Variants in SLC5A10 observed in about 807,000 individuals in gnomAD.
SLC5A10 encodes the protein sodium/mannose cotransporter SLC5A10.
A neutral mutation model predicts 68.9 loss-of-function variants in SLC5A10; 55 were observed. The ratio of observed to expected loss-of-function variants is 0.80; its 90% CI spans 0.64 to 1.00. SLC5A10 has a LOEUF of 1.00. Among genes scored for constraint, SLC5A10 ranks in the 50% least tolerant of loss-of-function variants. SLC5A10 has a pLI of 0.00. For synonymous variants in SLC5A10, 344 were observed against 344.8 expected (o/e 1.00, Z 0.02); for missense variants, 732 against 819.3 (o/e 0.89, Z 1.30).
intron 1 of SLC5A10, chr17:18,954,289 G>A (rs1308540055): frequency 6.6e-6 from 1 of 152,412 alleles, no homozygotes; most frequent in Non-Finnish European, 1.5e-5. Flanking sequence ...AGACAAGGCT[G>A]TCCTGGCTAG....
chr17:18,954,141 A>T (rs1567773675), intron 1 of SLC5A10: 1 of 152,264 alleles, frequency 6.6e-6, no homozygotes, highest in Non-Finnish European at 1.5e-5. Context: ...GCAAACTGTA[A>T]CGTGCTATAT....
At chr17:19,019,360 G>T (rs1350491897) in intron 11 of SLC5A10, 63 bp from the exon 12 acceptor site, 2 of 1,553,552 alleles carry the variant, frequency 1.3e-6, no homozygotes, top group Non-Finnish European at 1.7e-6. Flanking sequence ...GTGACCAGGG[G>T]AGGTGGGAGA....
chr17:18,984,830 C>T (rs2043229140), intron 9 of SLC5A10, among the ~76,000 whole-genome samples: 1 of 152,236 alleles, frequency 6.6e-6, no homozygotes, highest in Non-Finnish European at 1.5e-5. Flanking sequence ...CTTCCCAAGG[C>T]CTGCTCCCTA....
intron 9 of SLC5A10, chr17:18,979,812 G>T: frequency 1.0e-6 from 1 of 955,300 alleles, no homozygotes. Context: ...AAGGCCTGGA[G>T]AAAGGGGCTG....
chr17:18,956,421 G>A (rs996375338), intron 1 of SLC5A10, among the ~76,000 whole-genome samples: 3 of 145,348 alleles, frequency 2.1e-5, no homozygotes, highest in Non-Finnish European at 3.0e-5. Context: ...TACCTGTCCT[G>A]TGTCCCTCTT....
chr17:18,960,609 T>C lies in SLC5A10; in HGVS notation c.410T>C (p.Leu137Pro), dbSNP rs1196071279. The C allele has an allele frequency of 6.2e-7, 1 of 1,614,150 alleles. No individual in the cohort carries two copies. The highest frequency in any genetic ancestry group is 2.2e-5 in the East Asian group (1 of 44,886). ...RYGGQRIRMYLSVLSLLLSVF... is the reference protein window; with the variant it reads ...RYGGQRIRMYPSVLSLLLSVF... ...GGGGGCCAGCGGATCCGCATGTACC[T>C]GTCTGTCCTGTCCCTGCTACTGTCT... The change falls in exon 5 of 15, where the codon CTG (leucine) becomes CCG (proline). Residue 137 changes from leucine to proline, a missense_variant. By Grantham distance (98) the Leu-to-Pro change is moderately conservative. Coordinates refer to ENST00000395645, the MANE Select transcript of SLC5A10 (RefSeq NM_001042450.4).
intron 9 of SLC5A10, among the ~76,000 whole-genome samples, chr17:18,992,218 CCTGCCTT>C (rs1456735204): frequency 1.3e-5 from 2 of 152,302 alleles, no homozygotes; most frequent in African/African-American, 4.8e-5. Flanking sequence ...CCTTCTCCAC[CCTGCCTT>C]CTGCCTGTGT....
chr17:18,976,654 C>T (rs1271047567), intron 8 of SLC5A10, 200 bp from the exon 9 acceptor site: 2 of 636,264 alleles, frequency 3.1e-6, no homozygotes, highest in Non-Finnish European at 2.6e-6. Context: ...CCTCGGCTCT[C>T]GCTGCTTGGC....
At chr17:18,960,209 T>C (rs894484054) in intron 4 of SLC5A10, among the ~76,000 whole-genome samples, 2 of 152,162 alleles carry the variant, frequency 1.3e-5, no homozygotes, top group African/African-American at 4.8e-5. Context: ...TCATCCAGCC[T>C]CATCATAGTG....
At position 19,020,499 on chromosome 17, in the gene SLC5A10, T is replaced by A; in HGVS notation, c.*68T>A. The A allele has an allele frequency of 6.7e-7, 1 of 1,496,272 alleles. No homozygotes were observed. The highest frequency in any genetic ancestry group is 2.3e-5 in the East Asian group (1 of 43,334). The allele number at this position is 1,496,272 out of a possible 1,614,324, so 92.7% of individuals were successfully genotyped here. A position where few individuals can be genotyped will look rare whatever the true frequency, so the allele number is the denominator to read the frequency against. On this transcript the variant is annotated 3_prime_UTR_variant, in exon 15 of 15. Coordinates refer to ENST00000395645, the MANE Select transcript of SLC5A10 (RefSeq NM_001042450.4). The stretch of plus-strand genomic sequence containing the variant: ...GGTCCACCCATTTCCCTCATGGGGA[T>A]CCCGAGGCCCCAAGAGGGGCAGATT...
Position 18,971,070 on chromosome 17 carries a change from C to T in SLC5A10, c.698C>T (p.Pro233Leu). 1 of 1,614,102 alleles carries T rather than the reference C, an allele frequency of 6.2e-7. No homozygotes were observed. Among genetic ancestry groups the T allele is most frequent in the South Asian group, 1.1e-5 (1 of 91,082 alleles). The change falls in exon 8 of 15, where the codon CCC becomes CTC. Residue 233 changes from proline (P) to leucine (L), a missense_variant. Transcript: ENST00000395645. This position sits in a 1 kb window ranked among gnomAD's most constrained non-coding sequence, Gnocchi z 5.5. ...QLEAAYAQAIPSRTIANTTCH... is the reference protein window; with the variant it reads ...QLEAAYAQAILSRTIANTTCH... Reference sequence around the variant, plus strand: ...GAGGCAGCCTACGCCCAGGCCATTCCCTCCAGGACCATTGCCAACACCACC... The same window carrying T: ...GAGGCAGCCTACGCCCAGGCCATTCTCTCCAGGACCATTGCCAACACCACC...
chr17:18,972,017 G>A (rs1233732268), intron 8 of SLC5A10, among the ~76,000 whole-genome samples: 2 of 152,218 alleles, frequency 1.3e-5, no homozygotes, highest in African/African-American at 4.8e-5. Context: ...TCCGACACAG[G>A]CCTGGGACGT....
chr17:19,006,279 G>A (rs2043887254), intron 9 of SLC5A10, among the ~76,000 whole-genome samples: 1 of 152,194 alleles, frequency 6.6e-6, no homozygotes, highest in South Asian at 2.1e-4. Context: ...CTAGGCTGGA[G>A]TGCAGTGGTA....
Position 19,010,523 on chromosome 17 carries a change from T to A in SLC5A10, c.983-2887T>A, listed in dbSNP as rs76832416. 1.1e-4 allele frequency among the ~76,000 whole-genome samples: 17 copies of A among 152,296 alleles called. No homozygotes were observed. The East Asian group carries it at 2.9e-3, about 26-fold the overall frequency. Reference sequence around the variant, plus strand: ...GGTGACACCACTGCCACGGTTCTCATAAAGAAGTTCTTTCTTGCTGCTCAG... The same window carrying A: ...GGTGACACCACTGCCACGGTTCTCAAAAAGAAGTTCTTTCTTGCTGCTCAG... On this transcript the variant is annotated intron_variant, in intron 9 of 14. Transcript: ENST00000395645.
chr17:18,965,073 G>A (rs566709351), intron 5 of SLC5A10, among the ~76,000 whole-genome samples: 1 of 129,584 alleles, frequency 7.7e-6, no homozygotes, highest in Middle Eastern at 3.5e-3. Flanking sequence ...GAACCCAGGA[G>A]GCAGAGGTTT....
At position 19,019,688 on chromosome 17, in the gene SLC5A10, C is replaced by T. The variant is rs139011881; in HGVS notation, c.1411-25C>T. The T allele has an allele frequency of 7.7e-4, 1,233 of 1,605,182 alleles. 9 individuals carry two copies. The African/African-American group carries it at 0.014, about 18-fold the overall frequency. The stretch of plus-strand genomic sequence containing the variant: ...CCTTGGTCCTCCTCCCGTAGCCCCA[C>T]ATGCCCTGCCTCCCTCCTCCCCAGG... On this transcript the variant is annotated intron_variant, in intron 12 of 14. Coordinates refer to ENST00000395645, the MANE Select transcript of SLC5A10 (RefSeq NM_001042450.4).
intron 11 of SLC5A10, 178 bp from the exon 12 acceptor site, chr17:19,019,245 G>A (rs901681588): frequency 2.8e-6 from 2 of 703,068 alleles, no homozygotes; most frequent in Non-Finnish European, 4.6e-6. Context: ...CCACCAAAGG[G>A]TTTGGAGCAG....
Position 19,019,803 on chromosome 17 carries a change from C to T in SLC5A10, c.1501C>T (p.Pro501Ser), listed in dbSNP as rs866971215. 1.2e-6 allele frequency: 2 copies of T among 1,613,162 alleles called. No homozygotes were observed. The highest frequency in any genetic ancestry group is 1.7e-6 in the Non-Finnish European group (2 of 1,179,856). ...GAACCCAGCCCCACCGTGCGGAGAG[C>T]CAGACACGCGGCCAGCCGTCCTGGG... Reference protein sequence around the residue: ...FLNPAPPCGEPDTRPAVLGSI... With the variant: ...FLNPAPPCGESDTRPAVLGSI... Residue 501 changes from proline to serine, a missense_variant, in exon 13 of 15, where the codon CCA (proline) becomes TCA (serine). Coordinates refer to ENST00000395645, the MANE Select transcript of SLC5A10 (RefSeq NM_001042450.4).
chr17:18,986,673 TC>T (rs1567796951), intron 9 of SLC5A10, among the ~76,000 whole-genome samples: 1 of 152,236 alleles, frequency 6.6e-6, no homozygotes, highest in Non-Finnish European at 1.5e-5. Flanking sequence ...AGGCGAGGCC[TC>T]TGGAGTGGCT....
Sources: gnomAD v4.1 joint callset for allele counts (sites outside exome capture counted in the v4.1 genomes callset) on GRCh38, gnomAD v4.1.1 for gene constraint, Gnocchi (gnomAD v3.1) non-coding constraint, MANE v1.5 for transcripts, NCBI Gene and HGNC (gene_info 2026-07-23, HGNC 2026-07-21) for gene names.